The following CC2D1B variants were observed in gnomAD, a reference collection of about 807,000 sequenced individuals.
CC2D1B encodes coiled-coil and C2 domain containing 1B.
A neutral mutation model predicts 110.8 loss-of-function variants in CC2D1B; 92 were observed. The observed-to-expected ratio is 0.83, with a 90% CI of 0.70 to 0.99. CC2D1B has a LOEUF of 0.99. Ranked by LOEUF, CC2D1B falls within the 50% of genes least tolerant of loss-of-function variation. CC2D1B has a pLI of 0.00. For missense variants in CC2D1B, 1,136 were observed against 1,089.0 expected (o/e 1.04, Z -0.61); for synonymous variants, 406 against 429.2 (o/e 0.95, Z 0.67).
chr1:52,353,449 A>T, intron 24 of CC2D1B, 69 bp downstream of exon 24: 2 of 1,545,718 alleles, frequency 1.3e-6, no homozygotes, highest in Admixed American at 2.1e-5. Context: ...TTCTCTCCAG[A>T]TATGAGTTGA....
Position 52,357,870 on chromosome 1 carries a change from G to T in CC2D1B, c.1490C>A (p.Ala497Asp). 6.3e-7 allele frequency: 1 copy of T among 1,579,728 alleles called. No individual in the cohort carries two copies. Among genetic ancestry groups the T allele is most frequent in the South Asian group, 1.2e-5 (1 of 84,636 alleles). Residue 497 changes from alanine to aspartate, a missense_variant, in exon 14 of 25, where the codon GCC (alanine) becomes GAC (aspartate). Ala to Asp is a moderately radical substitution (Grantham distance 126). Transcript: ENST00000284376. ...GACTGTGGGCCGTGCAGGTTTCTTG[G>T]CCACTGGGGCCTGTGCTGGGGGCTC... ...EGEPPAQAPV[A>D]KKPARPTVPS...
intron 9 of CC2D1B, 31 bp downstream of exon 9, chr1:52,359,428 C>G: frequency 6.2e-7 from 1 of 1,613,616 alleles, no homozygotes; most frequent in East Asian, 2.2e-5. Flanking sequence ...CCTCCCCAAC[C>G]CCACCGCAGC....
intron 23 of CC2D1B, 29 bp from the exon 24 acceptor site, chr1:52,353,676 A>C: frequency 6.5e-7 from 1 of 1,535,240 alleles, no homozygotes; most frequent in South Asian, 1.2e-5. Flanking sequence ...GGGAAATGGT[A>C]ACTAAGGGGA....
At chr1:52,353,370 T>C (rs1646568154) in intron 24 of CC2D1B, 147 bp from the exon 25 acceptor site, 2 of 1,510,746 alleles carry the variant, frequency 1.3e-6, no homozygotes, top group South Asian at 2.7e-5. Flanking sequence ...CTGAGGAACA[T>C]CAGAAACTCA....
At chr1:52,362,821 CT>C in intron 2 of CC2D1B, 75 bp from the exon 3 acceptor site, 1 of 1,487,078 alleles carries the variant, frequency 6.7e-7, no homozygotes, top group Non-Finnish European at 9.2e-7. Flanking sequence ...AGACTTGGGG[CT>C]CTCCAAGTCC....
intron 4 of CC2D1B, 116 bp from the exon 5 acceptor site, chr1:52,361,248 C>A (rs1331021611): frequency 2.3e-6 from 3 of 1,295,452 alleles, no homozygotes; most frequent in Admixed American, 4.3e-5. Context: ...AGTCACTGTG[C>A]CTGAGTCCCC....
At chr1:52,357,758 C>G in intron 14 of CC2D1B, 23 bp downstream of exon 14, 1 of 1,599,886 alleles carries the variant, frequency 6.3e-7, no homozygotes, top group Non-Finnish European at 8.5e-7. Flanking sequence ...CTCAGTTCTT[C>G]ACCCTGCTTG....
At chr1:52,358,584 G>A in intron 12 of CC2D1B, 102 bp downstream of exon 12, 1 of 1,562,208 alleles carries the variant, frequency 6.4e-7, no homozygotes, top group South Asian at 1.1e-5. Flanking sequence ...CTCCACAGAG[G>A]GGAGGCAGAC....
At chr1:52,360,780 TAGG>T in intron 5 of CC2D1B, 191 bp downstream of exon 5, 1 of 896,402 alleles carries the variant, frequency 1.1e-6, no homozygotes. Context: ...GGGGGTAGTC[TAGG>T]AGAACAGAGA....
At position 52,354,860 on chromosome 1, in the gene CC2D1B, CT is replaced by C. The variant is rs1646611965; in HGVS notation, c.2318del (p.Lys773SerfsTer22). 1 of 1,614,074 alleles carries C rather than the reference CT, an allele frequency of 6.2e-7. No homozygotes were observed. Among genetic ancestry groups the C allele is most frequent in the African/African-American group, 1.3e-5 (1 of 74,932 alleles). ...FKRVIQSKGI[K>X]FEIFHKGSFF... ...CTCACCCTTTGTGGAAGATCTCAAA[CT>C]TGATGCCTTTGCTCTGGATCACCCT... On this transcript the variant is annotated frameshift_variant, in exon 22 of 25. Transcript: ENST00000284376. LOFTEE classifies it high-confidence loss of function.
At position 52,353,058 on chromosome 1, in the gene CC2D1B, C is replaced by CA. The variant is rs1646559083; in HGVS notation, c.*166dup. On this transcript the variant is annotated 3_prime_UTR_variant, in exon 25 of 25. Coordinates refer to ENST00000284376, the MANE Select transcript of CC2D1B (RefSeq NM_001330585.2). ...TTCTGTAGAGCCCCAGAGGGGCCAA[C>CA]AACAGGAAAGACCAGAGTCGTGGTC... 1.6e-6 allele frequency: 1 copy of CA among 642,038 alleles called. No individual in the cohort carries two copies. Among genetic ancestry groups the CA allele is most frequent in the African/African-American group, 1.9e-5 (1 of 52,176 alleles). 39.8% of individuals were successfully genotyped at this position (642,038 alleles called of 1,614,324 possible).
At chr1:52,356,502 T>A in intron 16 of CC2D1B, 60 bp from the exon 17 acceptor site, 1 of 1,578,954 alleles carries the variant, frequency 6.3e-7, no homozygotes, top group Non-Finnish European at 8.7e-7. Flanking sequence ...TTGGTTGGCA[T>A]TCAAGGCTAG....
Position 52,357,684 on chromosome 1 carries a change from C to T in CC2D1B, c.1594G>A (p.Ala532Thr). 6.2e-7 allele frequency: 1 copy of T among 1,605,288 alleles called. No individual in the cohort carries two copies. The highest frequency in any genetic ancestry group is 8.5e-7 in the Non-Finnish European group (1 of 1,175,874). Residue 532 changes from alanine (A) to threonine (T), a missense_variant, in exon 15 of 25, where the codon GCA becomes ACA. Ala to Thr is a moderately conservative substitution (Grantham distance 58). Transcript: ENST00000284376. ...TGCAGTTTCCGTGCCTCCAGCAGTG[C>T]CAGCTGCTCCCGCACTGAAGGGAGA... ...SPSPSVREQL[A>T]LLEARKLQYQ...
chr1:52,362,325 G>A (rs1346103125), intron 3 of CC2D1B, among the ~76,000 whole-genome samples: 1 of 152,326 alleles, frequency 6.6e-6, no homozygotes, highest in Middle Eastern at 3.4e-3. Context: ...TGTGCTAACT[G>A]GGCCCCTACC....
In CC2D1B at chr1:52,355,953, G is replaced by A. The variant is rs540876207; in HGVS notation, c.2055-109C>T. ...CAGCTGGGTGGTGACGGGAGGGAAG[G>A]CAGAGCTGGTATGCAGACCTTGATC... On this transcript the variant is annotated intron_variant, in intron 18 of 24. Coordinates refer to ENST00000284376, the MANE Select transcript of CC2D1B (RefSeq NM_001330585.2). The A allele has an allele frequency of 2.1e-5, 24 of 1,154,648 alleles. No individual in the cohort carries two copies. The African/African-American group carries it at 3.3e-4, about 16-fold the overall frequency. 71.5% of individuals were successfully genotyped at this position (1,154,648 alleles called of 1,614,324 possible).
rs1172260461 is a variant in CC2D1B at position 52,357,049 on chromosome 1, C to T, written c.1830G>A (p.Ala610=). Residue 610 remains alanine (A), a synonymous_variant, in exon 16 of 25, where the codon GCG becomes GCA. Coordinates refer to ENST00000284376, the MANE Select transcript of CC2D1B (RefSeq NM_001330585.2). ...TTTGCAGCTGGGCATACACCTCCTC[C>T]GCCTTCTGGGAGAGTCGCAGGTCCT... ...HHEDLRLSQK[A]EEVYAQLQKM... is the part of the protein sequence containing the mutation. The T allele has an allele frequency of 1.4e-5, 23 of 1,598,556 alleles. No homozygotes were observed. Among genetic ancestry groups the T allele is most frequent in the African/African-American group, 2.7e-5 (2 of 74,640 alleles).
chr1:52,357,310 G>T, intron 15 of CC2D1B, 184 bp from the exon 16 acceptor site: 1 of 922,614 alleles, frequency 1.1e-6, no homozygotes, highest in Non-Finnish European at 1.6e-6. Flanking sequence ...GCCCAGCCTT[G>T]TCATCTCTGA....
chr1:52,360,554 G>C lies in CC2D1B; in HGVS notation c.478-5C>G, dbSNP rs765902001. 3.1e-6 allele frequency: 5 copies of C among 1,613,152 alleles called. No individual in the cohort carries two copies. Among genetic ancestry groups the C allele is most frequent in the Non-Finnish European group, 4.2e-6 (5 of 1,179,732 alleles). Reference sequence around the variant, plus strand: ...TAGCCCCTGAGATGCTCCGGCCTATGAACAATTCAGCTAAGGGCCTGGCCA... The same window carrying C: ...TAGCCCCTGAGATGCTCCGGCCTATCAACAATTCAGCTAAGGGCCTGGCCA... On this transcript the variant is annotated splice_polypyrimidine_tract_variant and splice_region_variant and intron_variant, in intron 5 of 24. Coordinates refer to ENST00000284376, the MANE Select transcript of CC2D1B (RefSeq NM_001330585.2).
rs751157387 is a variant in CC2D1B, at chr1:52,356,437, G to A, written c.1884C>T (p.Cys628=). 1.2e-6 allele frequency: 2 copies of A among 1,614,098 alleles called. No homozygotes were observed. Among genetic ancestry groups the A allele is most frequent in the Admixed American group, 1.7e-5 (1 of 60,004 alleles). ...GCATGAACTGCTTGGAGAACAGCAG[G>A]CACTTCTGAAAATAGAGGCCCAGAG... The part of the protein sequence containing the change: ...QKMLLEQQEK[C]LLFSKQFMHQ... Residue 628 remains cysteine, a synonymous_variant, in exon 17 of 25, where the codon TGC becomes TGT. Coordinates refer to ENST00000284376, the MANE Select transcript of CC2D1B (RefSeq NM_001330585.2).
Sources: allele counts gnomAD v4.1 joint callset (sites outside exome capture counted in the v4.1 genomes callset), GRCh38; gene constraint gnomAD v4.1.1; transcripts MANE v1.5; gene names NCBI Gene and HGNC (gene_info 2026-07-23, HGNC 2026-07-21).